PCNX2: variants seen among roughly 807,000 people sequenced by gnomAD.
PCNX2 encodes pecanex 2, also known as pecanex-like protein 2.
Under a neutral mutation model 223.8 loss-of-function variants are expected in PCNX2, and 168 were observed. That is an observed-to-expected ratio of 0.75 (90% CI 0.66 to 0.85). The LOEUF (loss-of-function observed/expected upper bound fraction) is 0.85, where lower values mean the gene tolerates loss of function less well. Ranked by LOEUF, PCNX2 falls within the 40% of genes least tolerant of loss-of-function variation. The probability of loss-of-function intolerance (pLI) is 0.00; values close to 1 mark genes in which losing one functional copy is unlikely to be tolerated. For synonymous variants in PCNX2, 1,006 were observed against 1,052.6 expected (o/e 0.96, Z 0.86); for missense variants, 2,507 against 2,675.5 (o/e 0.94, Z 1.39).
Position 233,200,284 on chromosome 1 carries a change from AT to A in PCNX2, c.2864-21del. ...AAAATACTGAAAATGAACAAACAAA[AT>A]TGACGATAAGCATGGGGAACTGTGT... On this transcript the variant is annotated intron_variant, in intron 13 of 33. Coordinates refer to ENST00000258229, the MANE Select transcript of PCNX2 (RefSeq NM_014801.4). 5 of 1,507,460 alleles carry A rather than the reference AT, an allele frequency of 3.3e-6. No homozygotes were observed. The highest frequency in any genetic ancestry group is 4.5e-6 in the Non-Finnish European group (5 of 1,108,534). The allele number at this position is 1,507,460 out of a possible 1,614,324, so 93.4% of individuals were successfully genotyped here. A position where few individuals can be genotyped will look rare whatever the true frequency, so the allele number is the denominator to read the frequency against.
At chr1:233,128,670 C>G (rs77821638) in intron 21 of PCNX2, among the ~76,000 whole-genome samples, 5,549 of 152,174 alleles carry the variant, frequency 0.036, 119 homozygotes, top group African/African-American at 0.072. Flanking sequence ...AGGGCCAGTG[C>G]GAGGTCATGA....
chr1:233,250,908 CAAGT>C, intron 7 of PCNX2, 76 bp from the exon 8 acceptor site: 1 of 1,448,838 alleles, frequency 6.9e-7, no homozygotes, highest in African/African-American at 1.4e-5. Flanking sequence ...ATACAATTTT[CAAGT>C]TAAAAGGAAA....
intron 23 of PCNX2, among the ~76,000 whole-genome samples, chr1:233,072,362 C>T (rs1303244126): frequency 6.6e-6 from 1 of 152,150 alleles, no homozygotes; most frequent in Admixed American, 6.5e-5. Context: ...CTGCATATGG[C>T]TAGCCAGTTA....
At chr1:233,183,946 A>T (rs1410751253) in intron 15 of PCNX2, among the ~76,000 whole-genome samples, 1 of 152,208 alleles carries the variant, frequency 6.6e-6, no homozygotes, top group African/African-American at 2.4e-5. Context: ...CCATCCTTAC[A>T]TTGACTTCAC....
At chr1:233,195,720 G>C (rs902148099) in intron 15 of PCNX2, among the ~76,000 whole-genome samples, 1 of 152,026 alleles carries the variant, frequency 6.6e-6, no homozygotes, top group South Asian at 2.1e-4. Flanking sequence ...TGCACAAAAA[G>C]GTGCAATAGT....
At chr1:233,238,086 A>G (rs1658526893) in intron 8 of PCNX2, among the ~76,000 whole-genome samples, 1 of 152,202 alleles carries the variant, frequency 6.6e-6, no homozygotes, top group African/African-American at 2.4e-5. Context: ...TAGTTTTTTG[A>G]TGACAGCATT....
chr1:233,227,230 C>T lies in PCNX2; in HGVS notation c.2500G>A (p.Asp834Asn). The stretch of plus-strand genomic sequence containing the variant: ...TGTGCATGCTCAGTGGCTTACCGAT[C>T]AAGTAATGCCAGCAAGGTCAGTCGA... ...YDRLTLLALL[D>N]RTEDIKENVL... Residue 834 changes from aspartate (D) to asparagine (N), a missense_variant, in exon 10 of 34, where the codon GAT becomes AAT. Coordinates refer to ENST00000258229, the MANE Select transcript of PCNX2 (RefSeq NM_014801.4). The T allele has an allele frequency of 6.2e-7, 1 of 1,611,604 alleles. No homozygotes were observed. The highest frequency in any genetic ancestry group is 8.5e-7 in the Non-Finnish European group (1 of 1,178,712).
chr1:233,017,545 T>C (rs1337319811), intron 26 of PCNX2, among the ~76,000 whole-genome samples: 1 of 152,112 alleles, frequency 6.6e-6, no homozygotes, highest in Non-Finnish European at 1.5e-5. Flanking sequence ...CTCGATCTCC[T>C]GACCTCGTGA....
At chr1:233,152,108 A>G (rs7549361) in intron 19 of PCNX2, among the ~76,000 whole-genome samples, 35,315 of 152,150 alleles carry the variant, frequency 0.23, 4,298 homozygotes, top group East Asian at 0.32. Flanking sequence ...CAGCCAGAGT[A>G]TGAGAGTGCC....
intron 9 of PCNX2, among the ~76,000 whole-genome samples, chr1:233,232,610 A>T (rs1658132846): frequency 2.6e-5 from 4 of 152,210 alleles, no homozygotes; most frequent in Non-Finnish European, 5.9e-5. Context: ...TGAAAAATAA[A>T]TGTTACGATA....
the PCNX2 span, among the ~76,000 whole-genome samples, chr1:233,317,444 C>A: frequency 1.8e-3 from 270 of 151,816 alleles, no homozygotes; most frequent in Non-Finnish European, 3.0e-3. Context: ...ACAAACCAAA[C>A]CAAAACAAAA....
At chr1:233,317,280 G>C in the PCNX2 span, among the ~76,000 whole-genome samples, 3 of 152,172 alleles carry the variant, frequency 2.0e-5, no homozygotes, top group African/African-American at 4.8e-5. Flanking sequence ...TGGGCGTGAT[G>C]ATGGGTGCCT....
At chr1:233,261,530 G>A (rs2102998726) in intron 3 of PCNX2, among the ~76,000 whole-genome samples, 2 of 152,268 alleles carry the variant, frequency 1.3e-5, no homozygotes, top group South Asian at 4.1e-4. Context: ...CGAGACAACT[G>A]TACTGTGACA....
At chr1:233,264,701 C>T (rs1230955502) in intron 1 of PCNX2, among the ~76,000 whole-genome samples, 1 of 152,014 alleles carries the variant, frequency 6.6e-6, no homozygotes, top group Non-Finnish European at 1.5e-5. Flanking sequence ...AAGCCAGGTC[C>T]ACTACCTGGC....
chr1:233,011,777 G>C (rs1377341480), intron 28 of PCNX2, among the ~76,000 whole-genome samples: 2 of 152,178 alleles, frequency 1.3e-5, no homozygotes, highest in Admixed American at 6.5e-5. Flanking sequence ...TCCTGTGCTC[G>C]AGACCCTTCC....
At chr1:233,147,224 T>G (rs1261665740) in intron 19 of PCNX2, among the ~76,000 whole-genome samples, 1 of 152,146 alleles carries the variant, frequency 6.6e-6, no homozygotes, top group Non-Finnish European at 1.5e-5. Context: ...CCCCAAAACT[T>G]AACTACCATT....
At position 233,263,081 on chromosome 1, in the gene PCNX2, T is replaced by C. The variant is rs1660142862; in HGVS notation, c.236A>G (p.Tyr79Cys). ...IFFTIIKLVS[Y>C]RLHLMFDKGE... ...TTTGTCAAACATGAGGTGTAGGCGATAACTGACCAGTTTGATTATTGTGAA... is the reference window on the plus strand; with the variant it reads ...TTTGTCAAACATGAGGTGTAGGCGACAACTGACCAGTTTGATTATTGTGAA... The change falls in exon 2 of 34, where the codon TAT becomes TGT. Residue 79 changes from tyrosine to cysteine, a missense_variant. By Grantham distance (194) the Tyr-to-Cys change is radical (BLOSUM62 -2). This residue lies in a region of PCNX2 where 1,031 missense variants were observed against 1,021.7 expected (regional missense o/e 1.01). Transcript: ENST00000258229. The C allele has an allele frequency of 6.2e-7, 1 of 1,613,584 alleles. No individual in the cohort carries two copies. The highest frequency in any genetic ancestry group is 8.5e-7 in the Non-Finnish European group (1 of 1,179,620).
chr1:233,025,197 G>C lies in PCNX2; in HGVS notation c.4554C>G (p.Thr1518=), dbSNP rs903385259. 3.7e-6 allele frequency: 6 copies of C among 1,613,930 alleles called. No individual in the cohort carries two copies. The highest frequency in any genetic ancestry group is 1.7e-5 in the Admixed American group (1 of 60,008). The part of the protein sequence containing the change: ...GYSILDNNAA[T]MLQVFDLRRI... Reference sequence around the variant, plus strand: ...TTCGGAGGTCAAACACCTGCAGCATGGTGGCCGCGTTGTTGTCCAGGATGC... The same window carrying C: ...TTCGGAGGTCAAACACCTGCAGCATCGTGGCCGCGTTGTTGTCCAGGATGC... The change falls in exon 26 of 34, where the codon ACC becomes ACG. Residue 1518 remains threonine, a synonymous_variant. Transcript: ENST00000258229.
chr1:233,156,120 T>C (rs1366449211), intron 19 of PCNX2, among the ~76,000 whole-genome samples: 1 of 152,212 alleles, frequency 6.6e-6, no homozygotes, highest in Non-Finnish European at 1.5e-5. Flanking sequence ...TGAAACAGCA[T>C]ATCAAGGTTG....
Sources: allele counts gnomAD v4.1 joint callset (sites outside exome capture counted in the v4.1 genomes callset), GRCh38; gene constraint gnomAD v4.1.1; regional missense constraint gnomAD v4.1.1; transcripts MANE v1.5; gene names NCBI Gene and HGNC (gene_info 2026-07-23, HGNC 2026-07-21).